The following NCOR2 variants were observed in gnomAD, a reference collection of about 807,000 sequenced individuals.
NCOR2 encodes nuclear receptor corepressor 2.
In NCOR2, 81 loss-of-function variants were observed where a neutral mutation model predicts 262.9. The observed-to-expected ratio is 0.31, with a 90% CI of 0.26 to 0.37. NCOR2 has a LOEUF of 0.37. Ranked by LOEUF, NCOR2 falls within the 10% of genes least tolerant of loss-of-function variation. The pLI, the probability that NCOR2 is intolerant of heterozygous loss-of-function variation, is 1.00. For missense variants in NCOR2, 3,385 were observed against 3,621.4 expected (o/e 0.93, Z 1.68); for synonymous variants, 1,659 against 1,559.3 (o/e 1.06, Z -1.51).
exon 14 of NCOR2, chr12:124,402,529 C>CTGCTGCTGCTGCTGCTGCTGCTGTTGT: frequency 2.6e-6 from 4 of 1,566,246 alleles, no homozygotes; most frequent in Admixed American, 1.9e-5. Flanking sequence ...GCTGCTGCTG[C>CTGCTGCTGCTGCTGCTGCTGCTGTTGT]TGCTGCTGCT....
Position 124,378,190 on chromosome 12 carries a change from C to A in NCOR2, c.2167+47G>T, listed in dbSNP as rs1344401871. 6.3e-7 allele frequency: 1 copy of A among 1,597,934 alleles called. No homozygotes were observed. Among genetic ancestry groups the A allele is most frequent in the Non-Finnish European group, 8.5e-7 (1 of 1,170,492 alleles). On this transcript the variant is annotated intron_variant, in intron 18 of 46. Transcript: ENST00000405201. The surrounding 1 kb of genome is among the most constrained non-coding windows in gnomAD (Gnocchi z 4.2). ...GTTCCCGCTATGCCCTCCCTCAGAGCTCGGACCCACAGCTGCCAGCCACCT... is the reference window on the plus strand; with the variant it reads ...GTTCCCGCTATGCCCTCCCTCAGAGATCGGACCCACAGCTGCCAGCCACCT...
exon 47 of NCOR2, chr12:124,325,388 C>CCCCCCCCCCCCCGGGGGGGGG: frequency 1.4e-6 from 1 of 693,388 alleles, no homozygotes; most frequent in Non-Finnish European, 2.0e-6. Context: ...CCCCCCCCCC[C>CCCCCCCCCCCCCGGGGGGGGG]GCCCTGTTCT....
chr12:124,337,717 C>G (rs1361464535), intron 37 of NCOR2, among the ~76,000 whole-genome samples: 2 of 151,852 alleles, frequency 1.3e-5, no homozygotes, highest in African/African-American at 2.4e-5. Flanking sequence ...CAGGGGGCGG[C>G]CAGGGTGGGC....
intron 8 of NCOR2, 122 bp from the exon 11 acceptor site, chr12:124,430,909 G>A: frequency 8.5e-7 from 1 of 1,177,602 alleles, no homozygotes; most frequent in Non-Finnish European, 1.2e-6. Flanking sequence ...AAGTCACACA[G>A]GCACACACAT....
intron 1 of NCOR2, among the ~76,000 whole-genome samples, chr12:124,487,722 G>T (rs1056846133): frequency 3.3e-5 from 5 of 152,210 alleles, no homozygotes; most frequent in Non-Finnish European, 7.3e-5. Flanking sequence ...TAGCACAATT[G>T]TCCTGTACGG....
At chr12:124,467,035 T>C (rs2046458729) in intron 4 of NCOR2, among the ~76,000 whole-genome samples, 1 of 97,268 alleles carries the variant, frequency 1.0e-5, no homozygotes, top group Non-Finnish European at 2.0e-5. Context: ...ATCATCCTCA[T>C]CCTCACTACC....
intron 22 of NCOR2, among the ~76,000 whole-genome samples, chr12:124,360,100 A>T (rs750703429): frequency 1.1e-4 from 16 of 152,322 alleles, no homozygotes; most frequent in Non-Finnish European, 2.2e-4. Context: ...GCTCAGCAGG[A>T]CCTGGCTGGC....
intron 9 of NCOR2, 125 bp from the exon 12 acceptor site, chr12:124,429,831 G>A: frequency 1.1e-6 from 1 of 921,542 alleles, no homozygotes; most frequent in Non-Finnish European, 1.6e-6. Flanking sequence ...GGCCAGCAGA[G>A]GGGCCGGCCC....
exon 37 of NCOR2, chr12:124,340,181 T>TGCTGCC (rs1347265721): frequency 1.4e-5 from 22 of 1,606,624 alleles, no homozygotes; most frequent in Non-Finnish European, 1.9e-5. Flanking sequence ...CCCCCGCCGC[T>TGCTGCC]GCTGCCGCTG....
At chr12:124,451,030 C>G (rs905328032) in intron 6 of NCOR2, among the ~76,000 whole-genome samples, 10 of 152,260 alleles carry the variant, frequency 6.6e-5, no homozygotes. Context: ...TTTCACGCCT[C>G]CCTGTAACCA....
chr12:124,358,097 G>GTA (rs1566391242), intron 22 of NCOR2, among the ~76,000 whole-genome samples: 5 of 138,086 alleles, frequency 3.6e-5, no homozygotes, highest in Non-Finnish European at 6.2e-5. Context: ...GTGTGTGTGC[G>GTA]CGCGCGCACG....
At chr12:124,534,690 C>T (rs2051033453) in intron 1 of NCOR2, among the ~76,000 whole-genome samples, 1 of 152,218 alleles carries the variant, frequency 6.6e-6, no homozygotes, top group Admixed American at 6.5e-5. Flanking sequence ...GGGAAATGAG[C>T]ACTCCGGGAG....
Position 124,389,882 on chromosome 12 carries a change from G to A in NCOR2, c.1877-3995C>T, listed in dbSNP as rs533343641. 1.3e-5 allele frequency among the ~76,000 whole-genome samples: 2 copies of A among 152,180 alleles called. No homozygotes were observed. The highest frequency in any genetic ancestry group is 6.5e-5 in the Admixed American group (1 of 15,298). On this transcript the variant is annotated intron_variant, in intron 16 of 46. Transcript: ENST00000405201. The surrounding 1 kb of genome is among the most constrained non-coding windows in gnomAD (Gnocchi z 4.4). Reference sequence around the variant, plus strand: ...GTGAAGGAACACTGTGGGAAATGCCGGGGAGCCACCCAGAAGGTTGAAAGT... The same window carrying A: ...GTGAAGGAACACTGTGGGAAATGCCAGGGAGCCACCCAGAAGGTTGAAAGT...
chr12:124,429,248 G>A (rs963563253), intron 10 of NCOR2: 1 of 262,550 alleles, frequency 3.8e-6, no homozygotes, highest in Admixed American at 5.1e-5. Context: ...CCCGCCCCTT[G>A]GGCTTCTGGC....
intron 11 of NCOR2, among the ~76,000 whole-genome samples, 171 bp downstream of exon 13, chr12:124,426,451 C>T (rs1028252204): frequency 1.3e-5 from 2 of 152,168 alleles, no homozygotes; most frequent in Non-Finnish European, 2.9e-5. Flanking sequence ...ACCAACCCCA[C>T]GAAACACCAG....
chr12:124,528,408 A>G (rs1302429110), intron 1 of NCOR2, among the ~76,000 whole-genome samples: 1 of 152,170 alleles, frequency 6.6e-6, no homozygotes, highest in Non-Finnish European at 1.5e-5. Flanking sequence ...GACACCCCTC[A>G]GGCAAGGAAA....
At chr12:124,333,706 G>A (rs992921725) in intron 41 of NCOR2, among the ~76,000 whole-genome samples, 2 of 152,042 alleles carry the variant, frequency 1.3e-5, no homozygotes, top group Admixed American at 6.5e-5. Context: ...GGAGCTCAGG[G>A]CCCTCCCCTC....
At chr12:124,436,779 A>C (rs1194508099) in intron 8 of NCOR2, among the ~76,000 whole-genome samples, 2 of 152,140 alleles carry the variant, frequency 1.3e-5, no homozygotes, top group African/African-American at 2.4e-5. Context: ...TAACATAAGG[A>C]GTTGAAAAAA....
chr12:124,536,199 G>A (rs2051109880), upstream of NCOR2, among the ~76,000 whole-genome samples: 1 of 152,066 alleles, frequency 6.6e-6, no homozygotes. Flanking sequence ...ACCTAAGCCT[G>A]CTAAGTAGCT....
Sources: allele counts gnomAD v4.1 joint callset (sites outside exome capture counted in the v4.1 genomes callset), GRCh38; gene constraint gnomAD v4.1.1; non-coding constraint Gnocchi (gnomAD v3.1); transcripts MANE v1.5; gene names NCBI Gene and HGNC (gene_info 2026-07-23, HGNC 2026-07-21).